The following JCAD variants were observed in gnomAD, a reference collection of about 807,000 sequenced individuals.
The protein encoded by JCAD is junctional cadherin 5-associated protein.
Under a neutral mutation model 98.0 loss-of-function variants are expected in JCAD, and 40 were observed. That is an observed-to-expected ratio of 0.41 (90% CI 0.32 to 0.53). JCAD has a LOEUF of 0.53. JCAD is among the 20% of genes least tolerant of loss of function. The pLI is 0.31. For synonymous variants in JCAD, 691 were observed against 682.3 expected (o/e 1.01, Z -0.20); for missense variants, 1,705 against 1,738.1 (o/e 0.98, Z 0.34).
intron 1 of JCAD, among the ~76,000 whole-genome samples, chr10:30,103,737 T>C (rs1033929416): frequency 4.8e-5 from 7 of 145,300 alleles, no homozygotes; most frequent in Admixed American, 1.4e-4. Flanking sequence ...ATTTTTCTTT[T>C]TTTTTTTTTT....
Position 30,027,501 on chromosome 10 carries a change from C to T in JCAD, c.2647G>A (p.Gly883Arg). Residue 883 changes from glycine to arginine, a missense_variant, in exon 3 of 4, where the codon GGA becomes AGA. Coordinates refer to ENST00000375377, the MANE Select transcript of JCAD (RefSeq NM_020848.4). ...TCAACCCTCATTTCCGGGCTGTTTC[C>T]GCGGAAGCCCACATCCTCCTGTCTG... ...HCRQEDVGFR[G>R]NSPEMRVEPQ... is the part of the protein sequence containing the mutation. 2.5e-6 allele frequency: 4 copies of T among 1,609,658 alleles called. No individual in the cohort carries two copies. The highest frequency in any genetic ancestry group is 1.1e-5 in the South Asian group (1 of 91,072).
intron 2 of JCAD, among the ~76,000 whole-genome samples, chr10:30,034,222 CAATAATAAT>C (rs71023540): frequency 6.7e-6 from 1 of 149,302 alleles, no homozygotes; most frequent in African/African-American, 2.5e-5. Context: ...GACTCCATCT[CAATAATAAT>C]AATAATAATA....
intron 2 of JCAD, among the ~76,000 whole-genome samples, chr10:30,042,396 GT>G (rs11337887): frequency 0.099 from 15,063 of 151,906 alleles, 1,913 homozygotes; most frequent in African/African-American, 0.3. Context: ...CCCTAACCCA[GT>G]ACTCAAGCAT....
chr10:30,023,801 T>C (rs1836719739), intron 3 of JCAD, among the ~76,000 whole-genome samples: 1 of 152,142 alleles, frequency 6.6e-6, no homozygotes, highest in African/African-American at 2.4e-5. Context: ...AAAATTTGCA[T>C]TACCTGGGTG....
At chr10:30,074,782 A>G (rs1240136098) in intron 1 of JCAD, among the ~76,000 whole-genome samples, 2 of 151,744 alleles carry the variant, frequency 1.3e-5, no homozygotes, top group Admixed American at 1.3e-4. Context: ...CCCCCATATT[A>G]TACTACTGTT....
In JCAD at chr10:30,059,570, C is replaced by G. The variant is rs913998349; in HGVS notation, c.-148G>C. 4 of 140,600 alleles carry G rather than the reference C, an allele frequency of 2.8e-5. No individual in the cohort carries two copies. The highest frequency in any genetic ancestry group is 1.3e-4 in the African/African-American group (4 of 31,624). The allele number at this position is 140,600 out of a possible 1,614,324, so 8.7% of individuals were successfully genotyped here. ...CGCGACCCGCCCCGCCTGCAGCCGC[C>G]GAGGCCGAGCATGCCCGGAGAACCG... is the stretch of plus-strand genomic sequence containing the variant. On this transcript the variant is annotated 5_prime_UTR_variant, in exon 1 of 4. Transcript: ENST00000375377. This position sits in a 1 kb window ranked among gnomAD's most constrained non-coding sequence, Gnocchi z 5.0.
chr10:30,055,217 A>G (rs1217341382), intron 1 of JCAD, among the ~76,000 whole-genome samples: 2 of 152,232 alleles, frequency 1.3e-5, no homozygotes, highest in Non-Finnish European at 2.9e-5. Context: ...TTACTCCTCT[A>G]AAAGACCTAA....
Position 30,047,536 on chromosome 10 carries a change from C to T in JCAD, c.277G>A (p.Ala93Thr), listed in dbSNP as rs2132643487. The part of the protein sequence containing the change: ...QSTSASRTSE[A>T]GFCNQPPSAW... ...TGGGTTCACAGTGAAACTTACCCCG[C>T]CTCCGAGGTTCTGGAAGCAGAAGTG... The change falls in exon 2 of 4, where the codon GCG becomes ACG. Residue 93 changes from alanine (A) to threonine (T), a missense_variant. Physicochemically the swap from Ala to Thr is moderately conservative, Grantham distance 58. This residue lies in a region of JCAD where 152 missense variants were observed against 148.0 expected (regional missense o/e 1.03). Transcript: ENST00000375377. 8 of 1,611,252 alleles carry T rather than the reference C, an allele frequency of 5.0e-6. No individual in the cohort carries two copies. The highest frequency in any genetic ancestry group is 1.1e-5 in the South Asian group (1 of 90,960).
intron 1 of JCAD, among the ~76,000 whole-genome samples, chr10:30,114,977 A>G (rs1838766898): frequency 6.6e-6 from 1 of 152,234 alleles, no homozygotes; most frequent in African/African-American, 2.4e-5. Context: ...CAATAAGAAC[A>G]TATGATGCTA....
At chr10:30,043,654 G>T (rs1282604841) in intron 2 of JCAD, among the ~76,000 whole-genome samples, 1 of 152,232 alleles carries the variant, frequency 6.6e-6, no homozygotes, top group Non-Finnish European at 1.5e-5. Flanking sequence ...CAGGGGGAGG[G>T]TGGAGGACAA....
Position 30,103,042 on chromosome 10 carries a change from G to T in JCAD, n.128+12325C>A, listed in dbSNP as rs113423000. Among the ~76,000 whole-genome samples, 356 of 152,274 alleles carry T rather than the reference G, an allele frequency of 2.3e-3. 4 individuals carry two copies. The highest frequency in any genetic ancestry group is 8.2e-3 in the African/African-American group (342 of 41,546). ...GGGAACTATGGGACCTACAATTGAA[G>T]ATGAGGTTTGGGTGGGGACACAGCC... On this transcript the variant is annotated intron_variant and non_coding_transcript_variant, in intron 1 of 2. Coordinates refer to the JCAD transcript ENST00000465712.
chr10:30,041,395 A>G (rs1260619160), intron 2 of JCAD, among the ~76,000 whole-genome samples: 1 of 152,238 alleles, frequency 6.6e-6, no homozygotes, highest in African/African-American at 2.4e-5. Flanking sequence ...ATAAGTTTGT[A>G]AAAGAAAGAG....
Position 30,026,973 on chromosome 10 carries a change from G to C in JCAD, c.3175C>G (p.Gln1059Glu). ...GACCCCTCTAGCTCACTGGCACCCT[G>C]TTCTTGCCCAGGGGTGAGCCCCACA... is the stretch of plus-strand genomic sequence containing the variant. Reference protein sequence around the residue: ...RSVGLTPGQEQGASELEGSLG... With the variant: ...RSVGLTPGQEEGASELEGSLG... Residue 1059 changes from glutamine to glutamate, a missense_variant, in exon 3 of 4, where the codon CAG becomes GAG. Gln to Glu is a conservative substitution (Grantham distance 29). Transcript: ENST00000375377. 4 of 1,614,208 alleles carry C rather than the reference G, an allele frequency of 2.5e-6. No individual in the cohort carries two copies. The highest frequency in any genetic ancestry group is 3.4e-6 in the Non-Finnish European group (4 of 1,180,032).
chr10:30,060,080 A>G (rs1019515718), upstream of JCAD, among the ~76,000 whole-genome samples: 1 of 151,888 alleles, frequency 6.6e-6, no homozygotes, highest in Non-Finnish European at 1.5e-5. Flanking sequence ...TGACACATAT[A>G]CATACATACA....
chr10:30,050,314 C>CAAAAAAAAAAAAA (rs61421356), intron 1 of JCAD, among the ~76,000 whole-genome samples: 123 of 41,678 alleles, frequency 3.0e-3, no homozygotes, highest in Middle Eastern at 0.019. Context: ...GACCCTGTCT[C>CAAAAAAAAAAAAA]AAAAAAAAAA....
At chr10:30,034,647 T>G (rs977547606) in intron 2 of JCAD, among the ~76,000 whole-genome samples, 1 of 152,060 alleles carries the variant, frequency 6.6e-6, no homozygotes, top group African/African-American at 2.4e-5. Context: ...GAGCCAGGCT[T>G]GCAGCTCCAG....
intron 1 of JCAD, among the ~76,000 whole-genome samples, chr10:30,055,591 G>A (rs1469051830): frequency 6.6e-6 from 1 of 152,204 alleles, no homozygotes; most frequent in Non-Finnish European, 1.5e-5. Context: ...ACAGACTGCT[G>A]TTACCATACC....
At chr10:30,073,647 GTCCTTCCT>G (rs60380450) in intron 1 of JCAD, among the ~76,000 whole-genome samples, 6 of 138,586 alleles carry the variant, frequency 4.3e-5, no homozygotes, top group South Asian at 4.7e-4. Flanking sequence ...TAGCAAGATT[GTCCTTCCT>G]TCCTTCCTTC....
At chr10:30,098,157 G>A (rs953945829) in intron 1 of JCAD, among the ~76,000 whole-genome samples, 1 of 152,052 alleles carries the variant, frequency 6.6e-6, no homozygotes, top group African/African-American at 2.4e-5. Context: ...TGCGACCCTC[G>A]GGTCTGCCTA....
Sources: gnomAD v4.1 joint callset for allele counts (sites outside exome capture counted in the v4.1 genomes callset) on GRCh38, gnomAD v4.1.1 for gene constraint, gnomAD v4.1.1 regional missense constraint, Gnocchi (gnomAD v3.1) non-coding constraint, MANE v1.5 for transcripts, NCBI Gene and HGNC (gene_info 2026-07-23, HGNC 2026-07-21) for gene names.